Variants in SGCZ observed in about 807,000 individuals in gnomAD.
SGCZ encodes the protein sarcoglycan zeta.
Under a neutral mutation model 41.3 loss-of-function variants are expected in SGCZ, and 40 were observed. The ratio of observed to expected loss-of-function variants is 0.97; its 90% CI spans 0.75 to 1.26. The LOEUF (loss-of-function observed/expected upper bound fraction) is 1.26, where lower values mean the gene tolerates loss of function less well. SGCZ is among the 50% of genes most tolerant of loss of function. The pLI, the probability that SGCZ is intolerant of heterozygous loss-of-function variation, is 0.00. For missense variants in SGCZ, 552 were observed against 369.8 expected (o/e 1.49, Z -4.04); for synonymous variants, 206 against 137.5 (o/e 1.50, Z -3.49).
chr8:14,248,573 C>A (rs13281312), intron 3 of SGCZ, among the ~76,000 whole-genome samples: 37,900 of 151,718 alleles, frequency 0.25, 6,085 homozygotes, highest in Non-Finnish European at 0.36. Context: ...TTTTAAAGGA[C>A]ATCATATTTA....
intron 1 of SGCZ, among the ~76,000 whole-genome samples, chr8:14,881,914 T>G (rs1019267260): frequency 6.6e-6 from 1 of 152,168 alleles, no homozygotes; most frequent in African/African-American, 2.4e-5. Flanking sequence ...AACTCAGGAT[T>G]AAGAAACTCA....
Position 14,578,131 on chromosome 8 carries a change from C to A in SGCZ, c.40-23205G>T, listed in dbSNP as rs1298980470. On this transcript the variant is annotated intron_variant, in intron 1 of 7. Coordinates refer to ENST00000382080, the MANE Select transcript of SGCZ (RefSeq NM_139167.4). ...AGTTGGGTGAAGGCAGAGGGGAGAG[C>A]AATATGCATGTTGGGAATACACATG... is the stretch of plus-strand genomic sequence containing the variant. Among the ~76,000 whole-genome samples, 7 of 152,228 alleles carry A rather than the reference C, an allele frequency of 4.6e-5. No homozygotes were observed. In the East Asian group the frequency reaches 1.4e-3, roughly 29 times the overall value.
intron 1 of SGCZ, among the ~76,000 whole-genome samples, chr8:14,874,542 A>G (rs1164252435): frequency 6.6e-6 from 1 of 152,158 alleles, no homozygotes; most frequent in Non-Finnish European, 1.5e-5. Flanking sequence ...ACTTAATATG[A>G]TTAAAATGAT....
At chr8:14,240,324 T>A (rs113131245) in intron 3 of SGCZ, among the ~76,000 whole-genome samples, 2 of 64,368 alleles carry the variant, frequency 3.1e-5, no homozygotes, top group Non-Finnish European at 6.7e-5. Context: ...CGAAACTCTG[T>A]GTCAAAAAAA....
intron 1 of SGCZ, among the ~76,000 whole-genome samples, chr8:14,676,148 C>T (rs1808270023): frequency 6.6e-6 from 1 of 152,194 alleles, no homozygotes. Context: ...GACCTCCTAA[C>T]ACATGATATA....
intron 1 of SGCZ, among the ~76,000 whole-genome samples, chr8:14,639,762 T>G (rs919701407): frequency 6.6e-6 from 1 of 151,740 alleles, no homozygotes; most frequent in African/African-American, 2.4e-5. Context: ...GAAAAGAAGA[T>G]GATTCTCATG....
At chr8:14,308,961 G>C (rs544001832) in intron 3 of SGCZ, 1 of 651,974 alleles carries the variant, frequency 1.5e-6, no homozygotes, top group Non-Finnish European at 2.7e-6. Context: ...TGGCACTTCA[G>C]AGTTTCAGTG....
At chr8:14,623,785 G>T (rs1806361538) in intron 1 of SGCZ, among the ~76,000 whole-genome samples, 1 of 152,162 alleles carries the variant, frequency 6.6e-6, no homozygotes, top group Non-Finnish European at 1.5e-5. Flanking sequence ...GATTTCTCAT[G>T]TAGAAAGTCA....
chr8:14,285,913 T>C (rs999929899), intron 3 of SGCZ, among the ~76,000 whole-genome samples: 1 of 152,160 alleles, frequency 6.6e-6, no homozygotes, highest in Admixed American at 6.5e-5. Flanking sequence ...AGACATCCTA[T>C]GATTAGAATA....
At chr8:14,742,623 A>T (rs373475709) in intron 1 of SGCZ, among the ~76,000 whole-genome samples, 23 of 152,224 alleles carry the variant, frequency 1.5e-4, no homozygotes, top group East Asian at 1.4e-3. Context: ...ACATACGTAC[A>T]TAACCCAGAT....
At chr8:15,170,805 A>G (rs1799805866) in intron 1 of SGCZ, among the ~76,000 whole-genome samples, 2 of 152,264 alleles carry the variant, frequency 1.3e-5, no homozygotes, top group African/African-American at 4.8e-5. Context: ...AACATCAACT[A>G]GACTTTTGAT....
chr8:15,238,256 C>A lies in SGCZ; in HGVS notation c.-633G>T, dbSNP rs1802210537. On this transcript the variant is annotated 5_prime_UTR_variant, in exon 1 of 8. Transcript: ENST00000382080. ...AGAAGATAATCAAGTCAGAAGGGAA[C>A]GTTCTCCTTTGAAGGTTATGCTAAA... 1 of 152,172 alleles carries A rather than the reference C, an allele frequency of 6.6e-6. No homozygotes were observed. Among genetic ancestry groups the A allele is most frequent in the African/African-American group, 2.4e-5 (1 of 41,414 alleles). 9.4% of individuals were successfully genotyped at this position (152,172 alleles called of 1,614,324 possible). A position where few individuals can be genotyped will look rare whatever the true frequency, so the allele number is the denominator to read the frequency against.
intron 1 of SGCZ, among the ~76,000 whole-genome samples, chr8:14,866,145 CAA>C (rs1341657759): frequency 1.3e-5 from 2 of 151,916 alleles, no homozygotes. Context: ...CTGTTTTAGG[CAA>C]AAAGCAATAA....
intron 2 of SGCZ, among the ~76,000 whole-genome samples, chr8:14,345,226 T>C (rs1227778407): frequency 6.6e-6 from 1 of 152,026 alleles, no homozygotes; most frequent in Non-Finnish European, 1.5e-5. Context: ...AACCACAAGT[T>C]TTCACTACAC....
At chr8:14,425,014 T>C (rs969502951) in intron 2 of SGCZ, among the ~76,000 whole-genome samples, 9 of 152,216 alleles carry the variant, frequency 5.9e-5, no homozygotes, top group Admixed American at 1.3e-4. Context: ...GACTTCGTTA[T>C]TGAGCTTGAA....
intron 1 of SGCZ, among the ~76,000 whole-genome samples, chr8:15,057,282 C>G (rs935254271): frequency 6.6e-6 from 1 of 152,256 alleles, no homozygotes; most frequent in Middle Eastern, 3.4e-3. Flanking sequence ...AATAAAAGTG[C>G]CATCTGAGGA....
At chr8:14,837,486 G>T (rs1308241535) in intron 1 of SGCZ, among the ~76,000 whole-genome samples, 3 of 152,104 alleles carry the variant, frequency 2.0e-5, no homozygotes, top group Non-Finnish European at 2.9e-5. Flanking sequence ...CTCATATAGG[G>T]ACTACATTTC....
intron 4 of SGCZ, among the ~76,000 whole-genome samples, chr8:14,191,423 GT>G: frequency 6.6e-6 from 1 of 152,294 alleles, no homozygotes; most frequent in Middle Eastern, 3.4e-3. Context: ...ATGTCAAAGA[GT>G]TTTTCCCCTT....
At chr8:15,175,807 G>T (rs920772323) in intron 1 of SGCZ, among the ~76,000 whole-genome samples, 1 of 152,128 alleles carries the variant, frequency 6.6e-6, no homozygotes, top group Non-Finnish European at 1.5e-5. Context: ...CAGAATTTAG[G>T]TAAATGGGGA....
Sources: allele counts gnomAD v4.1 joint callset (sites outside exome capture counted in the v4.1 genomes callset), GRCh38; gene constraint gnomAD v4.1.1; transcripts MANE v1.5; gene names NCBI Gene and HGNC (gene_info 2026-07-23, HGNC 2026-07-21).